Variants in USP24 observed in about 807,000 individuals in gnomAD.
The protein encoded by USP24 is ubiquitin carboxyl-terminal hydrolase 24.
In USP24, 97 loss-of-function variants were observed where a neutral mutation model predicts 361.6. The ratio of observed to expected loss-of-function variants is 0.27; its 90% CI spans 0.23 to 0.32. The LOEUF (loss-of-function observed/expected upper bound fraction) is 0.32, where lower values mean the gene tolerates loss of function less well. Ranked by LOEUF, USP24 falls within the 10% of genes least tolerant of loss-of-function variation. The probability of loss-of-function intolerance (pLI) is 1.00; values close to 1 mark genes in which losing one functional copy is unlikely to be tolerated. For missense variants in USP24, 2,353 were observed against 3,165.6 expected (o/e 0.74, Z 6.16); for synonymous variants, 1,098 against 1,124.6 (o/e 0.98, Z 0.47).
intron 67 of USP24, among the ~76,000 whole-genome samples, chr1:55,070,428 G>C (rs563636403): frequency 3.3e-4 from 51 of 152,326 alleles, no homozygotes; most frequent in African/African-American, 1.2e-3. Context: ...AACTACGAGA[G>C]AGAAGTGTCA....
chr1:55,130,031 G>A (rs145228430), intron 31 of USP24, among the ~76,000 whole-genome samples: 1 of 152,284 alleles, frequency 6.6e-6, no homozygotes, highest in East Asian at 1.9e-4. Context: ...TTATAGGTGA[G>A]GGAACTGAGA....
At chr1:55,096,899 G>A (rs961365066) in intron 49 of USP24, 53 bp downstream of exon 49, 14 of 1,568,110 alleles carry the variant, frequency 8.9e-6, no homozygotes, top group South Asian at 2.3e-5. Flanking sequence ...GGATGATAAC[G>A]GAGAGCAGGG....
intron 67 of USP24, among the ~76,000 whole-genome samples, chr1:55,069,603 G>A (rs1295946788): frequency 1.3e-5 from 2 of 152,102 alleles, no homozygotes; most frequent in Non-Finnish European, 2.9e-5. Flanking sequence ...GAGCTGGGGT[G>A]GGGAGGAGCA....
At position 55,066,806 on chromosome 1, in the gene USP24, GCT is replaced by G. The variant is rs1345568874; in HGVS notation, c.*2237_*2238del. On this transcript the variant is annotated 3_prime_UTR_variant, in exon 68 of 68. Transcript: ENST00000294383. ...TTATTGAGTTAATTGTGCAATTCCTGCTCTGTTTGCAGACCATTTTGAAAGGT... is the reference window on the plus strand; with the variant it reads ...TTATTGAGTTAATTGTGCAATTCCTGCTGTTTGCAGACCATTTTGAAAGGT... 1 of 152,142 alleles carries G rather than the reference GCT, an allele frequency of 6.6e-6. No individual in the cohort carries two copies. The highest frequency in any genetic ancestry group is 1.5e-5 in the Non-Finnish European group (1 of 68,028). The allele number at this position is 152,142 out of a possible 1,614,324, so 9.4% of individuals were successfully genotyped here.
chr1:55,147,062 T>C lies in USP24; in HGVS notation c.2119-2A>G. On this transcript the variant is annotated splice_acceptor_variant, in intron 18 of 67. Transcript: ENST00000294383. LOFTEE classifies it high-confidence loss of function. Reference sequence around the variant, plus strand: ...AAATTTTAGATGTGCCTCTAAATACTGCAAAAAGAAATAATGCTAATTAGT... The same window carrying C: ...AAATTTTAGATGTGCCTCTAAATACCGCAAAAAGAAATAATGCTAATTAGT... The C allele has an allele frequency of 6.4e-7, 1 of 1,559,020 alleles. No individual in the cohort carries two copies. Among genetic ancestry groups the C allele is most frequent in the Non-Finnish European group, 8.6e-7 (1 of 1,157,654 alleles).
chr1:55,212,990 T>G (rs1483723868), intron 1 of USP24, among the ~76,000 whole-genome samples: 1 of 152,212 alleles, frequency 6.6e-6, no homozygotes, highest in Non-Finnish European at 1.5e-5. Flanking sequence ...AATGTTAACA[T>G]GAATGCACCA....
chr1:55,189,462 A>C (rs1323116625), intron 1 of USP24, among the ~76,000 whole-genome samples: 1 of 152,242 alleles, frequency 6.6e-6, no homozygotes, highest in Non-Finnish European at 1.5e-5. Flanking sequence ...TAAGTGAAAG[A>C]AGCCAGACAT....
In USP24 at chr1:55,079,793, T is replaced by TGAGTACTCTCACAGAGTACTCACACACA. The variant is rs1553143024; in HGVS notation, c.7079-135_7079-134insTGTGTGTGAGTACTCTGTGAGAGTACTC. 32 of 1,051,272 alleles carry TGAGTACTCTCACAGAGTACTCACACACA rather than the reference T, an allele frequency of 3.0e-5. 2 individuals are homozygous for TGAGTACTCTCACAGAGTACTCACACACA. Among genetic ancestry groups the TGAGTACTCTCACAGAGTACTCACACACA allele is most frequent in the Non-Finnish European group, 3.7e-5 (29 of 781,080 alleles). The allele number at this position is 1,051,272 out of a possible 1,614,324, so 65.1% of individuals were successfully genotyped here. A position where few individuals can be genotyped will look rare whatever the true frequency, so the allele number is the denominator to read the frequency against. On this transcript the variant is annotated intron_variant, in intron 59 of 67. Transcript: ENST00000294383. Reference sequence around the variant, plus strand: ...GTACTCTCACAGAGTACTCACACACTGAGTACTCACACACTGAGTACTCGC... The same window carrying TGAGTACTCTCACAGAGTACTCACACACA: ...GTACTCTCACAGAGTACTCACACACTGAGTACTCTCACAGAGTACTCACACACAGAGTACTCACACACTGAGTACTCGC...
intron 38 of USP24, among the ~76,000 whole-genome samples, chr1:55,118,413 C>CG (rs1646183480): frequency 1.3e-5 from 2 of 152,236 alleles, no homozygotes; most frequent in East Asian, 3.9e-4. Flanking sequence ...TGGAGAAAAA[C>CG]GAAGTCAGAC....
intron 46 of USP24, 72 bp from the exon 47 acceptor site, chr1:55,098,156 A>G: frequency 6.9e-7 from 1 of 1,441,752 alleles, no homozygotes; most frequent in Non-Finnish European, 9.1e-7. Context: ...ATAATACCTA[A>G]GCTTGAACAC....
intron 5 of USP24, 40 bp from the exon 6 acceptor site, chr1:55,166,643 A>G: frequency 2.0e-6 from 3 of 1,529,740 alleles, no homozygotes; most frequent in Non-Finnish European, 1.8e-6. Context: ...GGCAATATAA[A>G]AGCTTCCCCA....
chr1:55,108,763 C>T (rs1645863634), intron 39 of USP24, among the ~76,000 whole-genome samples: 1 of 152,204 alleles, frequency 6.6e-6, no homozygotes, highest in South Asian at 2.1e-4. Flanking sequence ...TGATTCCTGT[C>T]CTTGCTGCAG....
At chr1:55,099,912 T>A in intron 44 of USP24, 43 bp from the exon 45 acceptor site, 1 of 1,404,840 alleles carries the variant, frequency 7.1e-7, no homozygotes, top group South Asian at 1.3e-5. Flanking sequence ...AAAGTAGCAA[T>A]TTCTGAATGT....
At chr1:55,144,868 A>G (rs759806904) in intron 20 of USP24, among the ~76,000 whole-genome samples, 1 of 152,190 alleles carries the variant, frequency 6.6e-6, no homozygotes, top group Non-Finnish European at 1.5e-5. Flanking sequence ...TGGGAAGTGG[A>G]GGTTGCAGTG....
At chr1:55,139,047 G>C (rs1475553545) in intron 24 of USP24, 37 bp from the exon 25 acceptor site, 5 of 1,529,594 alleles carry the variant, frequency 3.3e-6, no homozygotes, top group Admixed American at 1.9e-5. Context: ...AAATGTATTT[G>C]AAGTGTGATG....
chr1:55,132,607 C>T lies in USP24; in HGVS notation c.3475G>A (p.Glu1159Lys). ...GGGGCAAAAGATCGAAACAGACTTT[C>T]TAAAATTGAACTGGCACTTGGCTGG... is the stretch of plus-strand genomic sequence containing the variant. ...QHQPSASSIL[E>K]SLFRSFAPGM... is the part of the protein sequence containing the mutation. Residue 1159 changes from glutamate to lysine, a missense_variant, in exon 31 of 68, where the codon GAA becomes AAA. This residue lies in a region of USP24 where 949 missense variants were observed against 1,280.5 expected (regional missense o/e 0.74). Transcript: ENST00000294383. The T allele has an allele frequency of 6.2e-7, 1 of 1,613,696 alleles. No homozygotes were observed. The highest frequency in any genetic ancestry group is 8.5e-7 in the Non-Finnish European group (1 of 1,179,718).
intron 1 of USP24, among the ~76,000 whole-genome samples, chr1:55,211,283 T>G (rs962736103): frequency 3.9e-5 from 6 of 152,222 alleles, no homozygotes; most frequent in African/African-American, 1.4e-4. Context: ...GACTCTTATG[T>G]GCCGTGGAAT....
intron 1 of USP24, among the ~76,000 whole-genome samples, chr1:55,184,910 T>A (rs1644084797): frequency 6.6e-6 from 1 of 152,162 alleles, no homozygotes; most frequent in Admixed American, 6.5e-5. Context: ...AACTTTTGGG[T>A]ACAGCAAAAG....
In USP24 at chr1:55,077,021, C is replaced by T. The variant is rs138856381; in HGVS notation, c.7380+214G>A. Among the ~76,000 whole-genome samples, 1,098 of 152,272 alleles carry T rather than the reference C, an allele frequency of 7.2e-3. 8 individuals carry two copies. Among genetic ancestry groups the T allele is most frequent in the Admixed American group, 0.01 (160 of 15,298 alleles). On this transcript the variant is annotated intron_variant, in intron 62 of 67. Transcript: ENST00000294383. ...AGTTGTTTGTGTACTTGTCTTGCTC[C>T]CTCACTCAACTGTGAGCTCCTAGGA...
Sources: gnomAD v4.1 joint callset for allele counts (sites outside exome capture counted in the v4.1 genomes callset) on GRCh38, gnomAD v4.1.1 for gene constraint, gnomAD v4.1.1 regional missense constraint, MANE v1.5 for transcripts, NCBI Gene and HGNC (gene_info 2026-07-23, HGNC 2026-07-21) for gene names.